Variants in LEKR1 observed in about 807,000 individuals in gnomAD.
LEKR1 encodes leucine, glutamate and lysine rich 1.
LEKR1 carries 59 observed loss-of-function variants against 72.4 expected under a neutral mutation model. The ratio of observed to expected loss-of-function variants is 0.82; its 90% CI spans 0.66 to 1.01. The LOEUF (loss-of-function observed/expected upper bound fraction) is 1.01. Among genes scored for constraint, LEKR1 ranks in the 50% least tolerant of loss-of-function variants. The pLI is 0.00. For missense variants in LEKR1, 728 were observed against 759.2 expected, an observed-to-expected ratio of 0.96 and a Z score of 0.48; for synonymous variants, 257 against 263.2, an observed-to-expected ratio of 0.98 and a Z score of 0.23.
At chr3:156,899,419 CAT>C (rs1263701761) in intron 3 of LEKR1, among the ~76,000 whole-genome samples, 2 of 70,608 alleles carry the variant, frequency 2.8e-5, no homozygotes, top group African/African-American at 1.3e-4. Context: ...CATATATACA[CAT>C]ATATACATGT....
At chr3:156,849,195 T>A (rs1374327549) in intron 2 of LEKR1, among the ~76,000 whole-genome samples, 1 of 152,124 alleles carries the variant, frequency 6.6e-6, no homozygotes, top group African/African-American at 2.4e-5. Flanking sequence ...GAATCCAACT[T>A]ACAAGGGATG....
At chr3:156,937,546 A>G (rs902441803) in intron 5 of LEKR1, among the ~76,000 whole-genome samples, 4 of 152,230 alleles carry the variant, frequency 2.6e-5, no homozygotes, top group African/African-American at 7.2e-5. Flanking sequence ...CAGAGAAACT[A>G]GTTTACTCAG....
intron 2 of LEKR1, among the ~76,000 whole-genome samples, chr3:156,832,678 C>G (rs1229605256): frequency 2.6e-5 from 4 of 152,198 alleles, no homozygotes. Flanking sequence ...TTTCTCTCTT[C>G]TTGAGGTCCC....
chr3:156,975,964 G>A (rs1729653240), intron 6 of LEKR1, among the ~76,000 whole-genome samples: 1 of 152,124 alleles, frequency 6.6e-6, no homozygotes, highest in South Asian at 2.1e-4. Context: ...GAAGGACTGG[G>A]CAGAACAATA....
intron 9 of LEKR1, among the ~76,000 whole-genome samples, chr3:157,008,129 G>T (rs1490721250): frequency 6.6e-6 from 1 of 152,156 alleles, no homozygotes; most frequent in African/African-American, 2.4e-5. Context: ...CATCAAGCCT[G>T]CTGGGTCTGC....
At chr3:156,866,771 GTAGA>G (rs2108544594) in intron 3 of LEKR1, among the ~76,000 whole-genome samples, 2 of 152,030 alleles carry the variant, frequency 1.3e-5, no homozygotes, top group South Asian at 4.2e-4. Context: ...GGGTGAGTAG[GTAGA>G]TGGATGGATG....
intron 3 of LEKR1, among the ~76,000 whole-genome samples, chr3:156,870,423 A>G (rs1407582053): frequency 6.6e-6 from 1 of 151,802 alleles, no homozygotes; most frequent in Admixed American, 6.6e-5. Flanking sequence ...CCTTGGTTAA[A>G]TTTATTTTTA....
At chr3:156,967,436 T>A (rs986688223) in intron 6 of LEKR1, among the ~76,000 whole-genome samples, 4 of 152,092 alleles carry the variant, frequency 2.6e-5, no homozygotes, top group African/African-American at 9.7e-5. Context: ...TTAAAGGACC[T>A]GATGGAGCTG....
At chr3:157,013,345 C>G (rs1733056545) in intron 10 of LEKR1, among the ~76,000 whole-genome samples, 1 of 152,108 alleles carries the variant, frequency 6.6e-6, no homozygotes, top group Non-Finnish European at 1.5e-5. Flanking sequence ...TTATGATCCC[C>G]TCTAGTACTT....
At chr3:157,006,552 C>G (rs960895777) in intron 9 of LEKR1, among the ~76,000 whole-genome samples, 10 of 152,156 alleles carry the variant, frequency 6.6e-5, no homozygotes, top group Non-Finnish European at 2.9e-5. Context: ...AACTTGTACA[C>G]AGGTATTGAG....
intron 3 of LEKR1, among the ~76,000 whole-genome samples, chr3:156,886,608 G>A (rs1419832107): frequency 1.3e-5 from 2 of 152,128 alleles, no homozygotes; most frequent in Admixed American, 6.5e-5. Context: ...AGGAGACTGG[G>A]AGTACATGCA....
chr3:156,969,653 C>G, intron 6 of LEKR1, among the ~76,000 whole-genome samples: 1 of 152,156 alleles, frequency 6.6e-6, no homozygotes, highest in African/African-American at 2.4e-5. Flanking sequence ...CAAAAAAAGT[C>G]CAGGACCAGA....
chr3:156,939,413 T>G (rs574149649), intron 5 of LEKR1, among the ~76,000 whole-genome samples: 3 of 152,262 alleles, frequency 2.0e-5, no homozygotes, highest in African/African-American at 7.2e-5. Flanking sequence ...TGTGAGAAAA[T>G]AAATTTCTGT....
chr3:157,029,032 C>A (rs1734408718), intron 12 of LEKR1, among the ~76,000 whole-genome samples: 1 of 152,172 alleles, frequency 6.6e-6, no homozygotes, highest in South Asian at 2.1e-4. Context: ...TCATCAATAT[C>A]ATATCACATT....
At chr3:156,908,169 C>G (rs1484097989) in intron 3 of LEKR1, among the ~76,000 whole-genome samples, 1 of 152,134 alleles carries the variant, frequency 6.6e-6, no homozygotes, top group East Asian at 1.9e-4. Context: ...CGTGGCTAAA[C>G]TGGTATTTGC....
chr3:156,854,847 C>T (rs566809346), intron 3 of LEKR1, among the ~76,000 whole-genome samples: 1 of 152,124 alleles, frequency 6.6e-6, no homozygotes, highest in South Asian at 2.1e-4. Flanking sequence ...AGCCACGTGC[C>T]CAGCCTTATT....
At chr3:157,029,805 T>C (rs533510104) in intron 12 of LEKR1, among the ~76,000 whole-genome samples, 17 of 152,108 alleles carry the variant, frequency 1.1e-4, no homozygotes, top group African/African-American at 4.1e-4. Flanking sequence ...GGAAGCAGGA[T>C]AAAGGACAGA....
At chr3:156,914,583 TTCCAAG>T in intron 3 of LEKR1, among the ~76,000 whole-genome samples, 1 of 152,296 alleles carries the variant, frequency 6.6e-6, no homozygotes, top group South Asian at 2.1e-4. Context: ...TTTGGGTTGG[TTCCAAG>T]TCTTTGCATT....
chr3:156,898,106 G>GA (rs932640462), intron 3 of LEKR1, among the ~76,000 whole-genome samples: 2 of 151,956 alleles, frequency 1.3e-5, no homozygotes, highest in Non-Finnish European at 2.9e-5. Flanking sequence ...GGAAGACTTG[G>GA]AAAAAAAATA....
Sources: allele counts gnomAD v4.1 joint callset (sites outside exome capture counted in the v4.1 genomes callset), GRCh38; gene constraint gnomAD v4.1.1; transcripts MANE v1.5; gene names NCBI Gene and HGNC (gene_info 2026-07-23, HGNC 2026-07-21).